The following RBFOX1 variants were observed in gnomAD, a reference collection of about 807,000 sequenced individuals.
RBFOX1 encodes the protein RNA binding fox-1 homolog 1, also known as RNA binding protein fox-1 homolog 1.
A neutral mutation model predicts 57.7 loss-of-function variants in RBFOX1; 8 were observed. That is an observed-to-expected ratio of 0.14 (90% CI 0.08 to 0.25). The LOEUF is 0.25. RBFOX1 is among the 10% of genes least tolerant of loss of function. The probability of loss-of-function intolerance (pLI) is 1.00; values close to 1 mark genes in which losing one functional copy is unlikely to be tolerated. For synonymous variants in RBFOX1, 326 were observed against 222.4 expected, an observed-to-expected ratio of 1.47 and a Z score of -4.15; for missense variants, 611 against 548.5, an observed-to-expected ratio of 1.11 and a Z score of -1.14.
At chr16:7,516,554 G>T (rs1253988037) in intron 4 of RBFOX1, among the ~76,000 whole-genome samples, 2 of 152,184 alleles carry the variant, frequency 1.3e-5, no homozygotes, top group Non-Finnish European at 2.9e-5. Context: ...AACTGCTCAT[G>T]GATAGCAACT....
chr16:6,365,366 G>C (rs1246372354), intron 2 of RBFOX1, among the ~76,000 whole-genome samples: 3 of 151,278 alleles, frequency 2.0e-5, no homozygotes, highest in Non-Finnish European at 3.0e-5. Flanking sequence ...ATAGACGGAT[G>C]AGTGGATGGG....
At chr16:7,297,744 G>A (rs76536395) in intron 4 of RBFOX1, among the ~76,000 whole-genome samples, 7,457 of 152,174 alleles carry the variant, frequency 0.049, 232 homozygotes, top group South Asian at 0.15. Context: ...TCATTTTATT[G>A]TAAAAGTAAT....
intron 4 of RBFOX1, among the ~76,000 whole-genome samples, chr16:7,070,418 T>C (rs894051288): frequency 3.3e-5 from 5 of 152,212 alleles, no homozygotes; most frequent in Non-Finnish European, 7.3e-5. Context: ...ATACCGAGTA[T>C]TCTGATAACA....
intron 1 of RBFOX1, among the ~76,000 whole-genome samples, chr16:5,458,579 G>A (rs1479324014): frequency 6.6e-6 from 1 of 152,184 alleles, no homozygotes; most frequent in East Asian, 1.9e-4. Context: ...GTTAGGCAAG[G>A]CCTCACAGCC....
intron 1 of RBFOX1, among the ~76,000 whole-genome samples, chr16:6,159,060 G>C (rs2096858751): frequency 6.6e-6 from 1 of 151,836 alleles, no homozygotes; most frequent in African/African-American, 2.4e-5. Context: ...CGACCACCAT[G>C]CCCAGCTAAT....
At chr16:6,005,572 G>A (rs1205266390) in intron 4 of RBFOX1, among the ~76,000 whole-genome samples, 1 of 152,192 alleles carries the variant, frequency 6.6e-6, no homozygotes, top group South Asian at 2.1e-4. Context: ...TTGTTGTGGG[G>A]CACTGCCTCT....
Position 6,795,282 on chromosome 16 carries a change from G to T in RBFOX1, c.-16+140632G>T, listed in dbSNP as rs542148541. On this transcript the variant is annotated intron_variant, in intron 3 of 15. Transcript: ENST00000550418. ...ACAGTCAAGTCACCTTGATAGAAGGGGCCTTGAGAGCTCATCTAATTCAGT... is the reference window on the plus strand; with the variant it reads ...ACAGTCAAGTCACCTTGATAGAAGGTGCCTTGAGAGCTCATCTAATTCAGT... Among the ~76,000 whole-genome samples the T allele has an allele frequency of 2.9e-4, 44 of 152,030 alleles. 1 individual carries two copies. In the South Asian group the frequency reaches 9.2e-3, roughly 32 times the overall value.
At chr16:6,826,907 G>C (rs1319724114) in intron 3 of RBFOX1, among the ~76,000 whole-genome samples, 1 of 152,174 alleles carries the variant, frequency 6.6e-6, no homozygotes. Context: ...AATAAAATCT[G>C]AATCTCTGAT....
At position 6,929,205 on chromosome 16, in the gene RBFOX1, G is replaced by A. The variant is rs181255600; in HGVS notation, c.-15-122852G>A. 1.8e-4 allele frequency among the ~76,000 whole-genome samples: 27 copies of A among 152,236 alleles called. No homozygotes were observed. In the East Asian group the frequency reaches 3.1e-3, roughly 17 times the overall value. On this transcript the variant is annotated intron_variant, in intron 3 of 15. Transcript: ENST00000550418. ...CACATTCTACTCTTTGAAGGCAAGT[G>A]TGTTCTTAACTGCTTGGATCCTACC...
chr16:6,002,946 C>T (rs770540208), intron 4 of RBFOX1, among the ~76,000 whole-genome samples: 1 of 152,124 alleles, frequency 6.6e-6, no homozygotes, highest in Non-Finnish European at 1.5e-5. Context: ...TGTAGATCCT[C>T]TGACAGCCAT....
At chr16:6,944,461 C>G (rs778430835) in intron 3 of RBFOX1, among the ~76,000 whole-genome samples, 4 of 152,014 alleles carry the variant, frequency 2.6e-5, no homozygotes, top group African/African-American at 4.8e-5. Flanking sequence ...GGCCACTTCC[C>G]TGCCTTACAT....
intron 2 of RBFOX1, among the ~76,000 whole-genome samples, chr16:6,522,154 A>T (rs918271539): frequency 1.1e-4 from 15 of 142,856 alleles, no homozygotes; most frequent in Admixed American, 9.1e-4. Context: ...GGGGACCCAC[A>T]GTGTGTGTGT....
At chr16:5,723,571 C>T (rs1270855928) in intron 3 of RBFOX1, among the ~76,000 whole-genome samples, 1 of 151,954 alleles carries the variant, frequency 6.6e-6, no homozygotes, top group African/African-American at 2.4e-5. Context: ...GTAGTCAGCC[C>T]ACAGGAAACT....
chr16:7,465,635 C>T lies in RBFOX1; in HGVS notation c.28-52512C>T, dbSNP rs76255974. The stretch of plus-strand genomic sequence containing the variant: ...AGATTTGTCAGGAATATGCTGTCTG[C>T]TTTTCTAAAGCCCACTCTTTACTGG... On this transcript the variant is annotated intron_variant, in intron 4 of 15. Coordinates refer to ENST00000550418, the MANE Select transcript of RBFOX1 (RefSeq NM_018723.4). Among the ~76,000 whole-genome samples the T allele has an allele frequency of 3.4e-3, 519 of 152,252 alleles. 5 individuals carry two copies. The highest frequency in any genetic ancestry group is 0.012 in the African/African-American group (500 of 41,546).
intron 1 of RBFOX1, among the ~76,000 whole-genome samples, chr16:6,237,422 C>A (rs1359779351): frequency 3.3e-5 from 5 of 152,142 alleles, no homozygotes; most frequent in Non-Finnish European, 7.3e-5. Flanking sequence ...GGTAAGCCAA[C>A]GTGCCTCAGG....
At chr16:6,571,238 A>T (rs1355732653) in intron 2 of RBFOX1, among the ~76,000 whole-genome samples, 1 of 152,172 alleles carries the variant, frequency 6.6e-6, no homozygotes, top group Non-Finnish European at 1.5e-5. Context: ...CTTGCCGTTG[A>T]TAATGTGAGC....
chr16:6,310,723 G>A (rs899933593), intron 1 of RBFOX1, among the ~76,000 whole-genome samples: 5 of 152,056 alleles, frequency 3.3e-5, no homozygotes, highest in African/African-American at 9.7e-5. Flanking sequence ...CTGGTGCTTC[G>A]AGGTGCTGCC....
At chr16:6,960,564 C>G (rs993999514) in intron 3 of RBFOX1, among the ~76,000 whole-genome samples, 3 of 152,076 alleles carry the variant, frequency 2.0e-5, no homozygotes, top group African/African-American at 7.2e-5. Flanking sequence ...ATCTGTTCCC[C>G]TGTGCCCTTC....
At chr16:6,987,495 ACACACACACAGAGG>A (rs913414898) in intron 3 of RBFOX1, among the ~76,000 whole-genome samples, 1 of 143,532 alleles carries the variant, frequency 7.0e-6, no homozygotes, top group African/African-American at 2.6e-5. Flanking sequence ...ACACACACAC[ACACACACACAGAGG>A]CATGCCCCAC....
Sources: allele counts gnomAD v4.1 joint callset (sites outside exome capture counted in the v4.1 genomes callset), GRCh38; gene constraint gnomAD v4.1.1; transcripts MANE v1.5; gene names NCBI Gene and HGNC (gene_info 2026-07-23, HGNC 2026-07-21).